The following GSE1 variants were observed in gnomAD, a reference collection of about 807,000 sequenced individuals.
The protein encoded by GSE1 is Gse1 coiled-coil protein.
In GSE1, 32 loss-of-function variants were observed where a neutral mutation model predicts 112.6. The observed-to-expected ratio is 0.28, with a 90% confidence interval of 0.21 to 0.38. The LOEUF (loss-of-function observed/expected upper bound fraction) is 0.38, where lower values mean the gene tolerates loss of function less well. GSE1 is among the 10% of genes least tolerant of loss of function. The pLI is 1.00. For synonymous variants in GSE1, 1,115 were observed against 735.6 expected, an observed-to-expected ratio of 1.52 and a Z score of -8.35; for missense variants, 2,348 against 1,699.2, an observed-to-expected ratio of 1.38 and a Z score of -6.71.
intron 2 of GSE1, among the ~76,000 whole-genome samples, chr16:85,444,408 G>A (rs778660468): frequency 1.3e-5 from 2 of 152,186 alleles, no homozygotes; most frequent in African/African-American, 4.8e-5. Context: ...CATAGGTGCC[G>A]TTTCCAGCTC....
intron 1 of GSE1, among the ~76,000 whole-genome samples, chr16:85,211,109 C>T (rs1412385418): frequency 6.6e-6 from 1 of 152,202 alleles, no homozygotes; most frequent in African/African-American, 2.4e-5. Flanking sequence ...TTTGCAGACA[C>T]TGGGCTCTGT....
intron 2 of GSE1, among the ~76,000 whole-genome samples, chr16:85,534,248 A>T (rs1301938535): frequency 6.6e-6 from 1 of 151,282 alleles, no homozygotes; most frequent in Non-Finnish European, 1.5e-5. Flanking sequence ...CAGCCTCCCA[A>T]ATAGCTGGGA....
chr16:85,591,904 G>A (rs951861135), intron 1 of GSE1, among the ~76,000 whole-genome samples: 3 of 152,176 alleles, frequency 2.0e-5, no homozygotes, highest in Non-Finnish European at 4.4e-5. Context: ...CTAGATCCGC[G>A]ATGCCCAAAT....
Position 85,649,321 on chromosome 16 carries a change from T to C in GSE1, c.426+570T>C, listed in dbSNP as rs377461170. On this transcript the variant is annotated intron_variant, in intron 3 of 15. Coordinates refer to ENST00000253458, the MANE Select transcript of GSE1 (RefSeq NM_014615.5). ...AGTCCAGTTCAAGCTGTGAAAGTGG[T>C]GTTTGCACGCTGAGCACCCGGCACA... 5.3e-3 allele frequency among the ~76,000 whole-genome samples: 804 copies of C among 152,286 alleles called. 10 individuals carry two copies. Among genetic ancestry groups the C allele is most frequent in the South Asian group, 6.8e-3 (33 of 4,824 alleles).
chr16:85,399,890 A>G (rs1026127357), intron 2 of GSE1, among the ~76,000 whole-genome samples: 1 of 152,216 alleles, frequency 6.6e-6, no homozygotes, highest in African/African-American at 2.4e-5. Context: ...TGAGAAGTCA[A>G]GACTGGCCAG....
chr16:85,412,798 C>T (rs551680894), intron 2 of GSE1, among the ~76,000 whole-genome samples: 30 of 152,370 alleles, frequency 2.0e-4, no homozygotes, highest in Non-Finnish European at 4.0e-4. Context: ...TCCAGTGCAA[C>T]TGTTGATTTA....
chr16:85,456,641 G>GTGTGTGTGTGTGT (rs1567502079), intron 2 of GSE1, among the ~76,000 whole-genome samples: 17 of 94,038 alleles, frequency 1.8e-4, no homozygotes, highest in African/African-American at 6.8e-4. Context: ...TGTGTGTGTG[G>GTGTGTGTGTGTGT]TCTGCCATTT....
At chr16:85,496,131 C>T (rs948795145) in intron 2 of GSE1, among the ~76,000 whole-genome samples, 1 of 152,178 alleles carries the variant, frequency 6.6e-6, no homozygotes, top group Non-Finnish European at 1.5e-5. Flanking sequence ...GGCTTCATTT[C>T]CCCAGGGCCC....
At chr16:85,624,112 TC>T (rs1213803903) in intron 1 of GSE1, among the ~76,000 whole-genome samples, 1 of 152,116 alleles carries the variant, frequency 6.6e-6, no homozygotes, top group Non-Finnish European at 1.5e-5. Flanking sequence ...AGCCTCCTCT[TC>T]CTGCTGGCCC....
At chr16:85,661,017 C>T in intron 8 of GSE1, 129 bp from the exon 9 acceptor site, 1 of 745,990 alleles carries the variant, frequency 1.3e-6, no homozygotes, top group Non-Finnish European at 2.2e-6. Flanking sequence ...TCCCTGCAGC[C>T]CTGTTGGCAC....
intron 1 of GSE1, among the ~76,000 whole-genome samples, chr16:85,599,964 C>T (rs929778107): frequency 1.2e-4 from 18 of 152,298 alleles, no homozygotes; most frequent in South Asian, 2.1e-4. Context: ...AATGGGAGGG[C>T]GGCAGCTGTC....
intron 1 of GSE1, among the ~76,000 whole-genome samples, chr16:85,198,715 C>A (rs1162277172): frequency 6.6e-6 from 1 of 152,176 alleles, no homozygotes; most frequent in African/African-American, 2.4e-5. Context: ...CCACCCCGAC[C>A]CTTTAGCCCC....
At chr16:85,182,490 T>G (rs2074609271) in intron 1 of GSE1, among the ~76,000 whole-genome samples, 1 of 152,212 alleles carries the variant, frequency 6.6e-6, no homozygotes, top group South Asian at 2.1e-4. Flanking sequence ...CTCAACCTCT[T>G]TCTCTTCCGG....
rs1195240111 is a variant in GSE1, at chr16:85,419,732, A to G, written c.2464+62089A>G. Among the ~76,000 whole-genome samples, 1 of 152,120 alleles carries G rather than the reference A, an allele frequency of 6.6e-6. No individual in the cohort carries two copies. Among genetic ancestry groups the G allele is most frequent in the Non-Finnish European group, 1.5e-5 (1 of 68,018 alleles). Reference sequence around the variant, plus strand: ...CGTTGGAATCAGCTGGGGATCTCTAAAAACCCCTCTGATGCCTGCCTCCCC... The same window carrying G: ...CGTTGGAATCAGCTGGGGATCTCTAGAAACCCCTCTGATGCCTGCCTCCCC... On this transcript the variant is annotated intron_variant, in intron 2 of 2. Transcript: ENST00000637419. The surrounding 1 kb of genome is among the most constrained non-coding windows in gnomAD (Gnocchi z 6.5).
exon 1 of GSE1, chr16:85,169,593 G>T: frequency 1.0e-6 from 1 of 982,500 alleles, no homozygotes; most frequent in South Asian, 4.6e-5. Flanking sequence ...AGCGGGCTGC[G>T]GGCGGCGCGC....
intron 1 of GSE1, among the ~76,000 whole-genome samples, chr16:85,630,662 G>A (rs1267480040): frequency 6.6e-6 from 1 of 152,196 alleles, no homozygotes; most frequent in East Asian, 1.9e-4. Flanking sequence ...GCTGTGTGTG[G>A]TGCGCGCACA....
intron 1 of GSE1, among the ~76,000 whole-genome samples, chr16:85,235,959 G>A (rs1331401717): frequency 1.4e-5 from 2 of 146,882 alleles, no homozygotes; most frequent in Non-Finnish European, 3.0e-5. Flanking sequence ...AGCAGCCGGC[G>A]CCCCCTCCGG....
intron 1 of GSE1, among the ~76,000 whole-genome samples, chr16:85,571,285 C>T (rs1212187240): frequency 2.0e-5 from 3 of 152,172 alleles, no homozygotes; most frequent in Non-Finnish European, 2.9e-5. Context: ...GGACCTGCAC[C>T]GCCTAATGTG....
chr16:85,501,965 T>C (rs1352359933), intron 2 of GSE1, among the ~76,000 whole-genome samples: 1 of 152,068 alleles, frequency 6.6e-6, no homozygotes, highest in East Asian at 1.9e-4. Context: ...GGGGCAGGGT[T>C]GGAGGGGCTG....
Sources: allele counts gnomAD v4.1 joint callset (sites outside exome capture counted in the v4.1 genomes callset), GRCh38; gene constraint gnomAD v4.1.1; non-coding constraint Gnocchi (gnomAD v3.1); transcripts MANE v1.5; gene names NCBI Gene and HGNC (gene_info 2026-07-23, HGNC 2026-07-21).